The following SCAPER variants were observed in gnomAD, a reference collection of about 807,000 sequenced individuals.
SCAPER encodes S-phase cyclin A associated protein in the ER, also known as S phase cyclin A-associated protein in the endoplasmic reticulum.
In SCAPER, 98 loss-of-function variants were observed where a neutral mutation model predicts 182.2. The ratio of observed to expected loss-of-function variants is 0.54; its 90% CI spans 0.46 to 0.64. SCAPER has a LOEUF of 0.64. Among genes scored for constraint, SCAPER ranks in the 30% least tolerant of loss-of-function variants. The pLI is 0.00. For synonymous variants in SCAPER, 605 were observed against 564.6 expected (o/e 1.07, Z -1.01); for missense variants, 1,432 against 1,690.0 (o/e 0.85, Z 2.68).
chr15:76,902,463 T>C (rs1392643300), intron 1 of SCAPER, among the ~76,000 whole-genome samples: 1 of 152,202 alleles, frequency 6.6e-6, no homozygotes, highest in African/African-American at 2.4e-5. Flanking sequence ...AATCTACACA[T>C]GTACCCTCTA....
chr15:76,565,958 A>T (rs2047005560), intron 23 of SCAPER, among the ~76,000 whole-genome samples: 1 of 152,150 alleles, frequency 6.6e-6, no homozygotes, highest in Admixed American at 6.5e-5. Flanking sequence ...GAACATAGTG[A>T]AGGGATCAAA....
chr15:76,569,708 CTCT>C (rs996549551), intron 23 of SCAPER, among the ~76,000 whole-genome samples: 1 of 151,638 alleles, frequency 6.6e-6, no homozygotes, highest in African/African-American at 2.4e-5. Context: ...CCTTTTTATA[CTCT>C]TCTTTTCATT....
chr15:76,572,917 T>TCACACACACACACACACACACACA (rs1231032832), intron 23 of SCAPER, among the ~76,000 whole-genome samples: 9 of 133,460 alleles, frequency 6.7e-5, no homozygotes, highest in Admixed American at 2.3e-4. Flanking sequence ...TCTCTCTCTC[T>TCACACACACACACACACACACACA]CTCACACACA....
At chr15:76,901,692 GAA>G (rs1213508990) in intron 1 of SCAPER, among the ~76,000 whole-genome samples, 2 of 150,962 alleles carry the variant, frequency 1.3e-5, no homozygotes, top group Admixed American at 6.7e-5. Context: ...TGTCATAGAA[GAA>G]AAAGTCTTTC....
intron 5 of SCAPER, among the ~76,000 whole-genome samples, chr15:76,816,534 G>A (rs1466836416): frequency 1.3e-5 from 2 of 152,110 alleles, no homozygotes; most frequent in East Asian, 1.9e-4. Context: ...GCTTTATCCT[G>A]GAATACCACC....
intron 2 of SCAPER, among the ~76,000 whole-genome samples, chr15:76,878,288 A>G (rs1365631147): frequency 6.6e-6 from 1 of 152,194 alleles, no homozygotes; most frequent in African/African-American, 2.4e-5. Flanking sequence ...AATAAAACCA[A>G]TGGGGCAATT....
At chr15:76,805,360 C>G (rs2066074436) in intron 5 of SCAPER, among the ~76,000 whole-genome samples, 1 of 152,136 alleles carries the variant, frequency 6.6e-6, no homozygotes, top group Non-Finnish European at 1.5e-5. Flanking sequence ...ACAGCTGCTG[C>G]ATCATTTTAC....
At position 76,841,903 on chromosome 15, in the gene SCAPER, G is replaced by A. The variant is rs75375920; in HGVS notation, c.224C>T (p.Ser75Leu). ...AAAGTGTTTATCTCCAGTCGTAGAC[G>A]ATGTTATTTTACAGTCCACTGCAGT... ...QSTAVDCKITSSTTGDKHFDK... is the reference protein window; with the variant it reads ...QSTAVDCKITLSTTGDKHFDK... The change falls in exon 5 of 32, where the codon TCG (serine) becomes TTG (leucine). Residue 75 changes from serine (S) to leucine (L), a missense_variant. Around this residue, in one of 5 missense-constraint regions of SCAPER, gnomAD observed 480 missense variants for 510.2 expected, o/e 0.94. Coordinates refer to ENST00000563290, the MANE Select transcript of SCAPER (RefSeq NM_020843.4). 1.1e-3 allele frequency: 1,791 copies of A among 1,613,582 alleles called. 16 individuals carry two copies. In the African/African-American group the frequency reaches 0.021, roughly 19 times the overall value.
In SCAPER at chr15:76,511,183, T is replaced by A. The variant is rs559995338; in HGVS notation, c.2839-6209A>T. 5.3e-5 allele frequency among the ~76,000 whole-genome samples: 8 copies of A among 151,942 alleles called. No individual in the cohort carries two copies. In the East Asian group the frequency reaches 1.5e-3, roughly 29 times the overall value. On this transcript the variant is annotated intron_variant, in intron 23 of 31. Coordinates refer to ENST00000563290, the MANE Select transcript of SCAPER (RefSeq NM_020843.4). ...TGCTGGGGAGATGGGTGCACCAAAA[T>A]CTCACAAATCACCACTTAAGAACTT...
At chr15:76,636,417 T>C (rs1349825034) in intron 21 of SCAPER, among the ~76,000 whole-genome samples, 1 of 151,808 alleles carries the variant, frequency 6.6e-6, no homozygotes, top group East Asian at 1.9e-4. Context: ...CTGTTCTCCC[T>C]TTCCCTGGGA....
At chr15:76,587,463 G>T (rs565604951) in intron 22 of SCAPER, among the ~76,000 whole-genome samples, 1 of 152,196 alleles carries the variant, frequency 6.6e-6, no homozygotes, top group South Asian at 2.1e-4. Context: ...GTATCCCAGA[G>T]ATTTTGATAG....
intron 23 of SCAPER, among the ~76,000 whole-genome samples, chr15:76,510,891 G>GCA (rs2041974859): frequency 1.3e-5 from 2 of 151,884 alleles, no homozygotes; most frequent in African/African-American, 2.4e-5. Context: ...GTGTGTGTGC[G>GCA]CGCGCGCACG....
At chr15:76,782,327 G>C (rs2064213025) in intron 8 of SCAPER, among the ~76,000 whole-genome samples, 1 of 152,174 alleles carries the variant, frequency 6.6e-6, no homozygotes, top group South Asian at 2.1e-4. Context: ...AATTCAACAA[G>C]AAGAGCTAAC....
At chr15:76,893,623 A>C (rs1311183616) in intron 1 of SCAPER, among the ~76,000 whole-genome samples, 1 of 152,186 alleles carries the variant, frequency 6.6e-6, no homozygotes, top group South Asian at 2.1e-4. Context: ...AATATACAAC[A>C]TTTTCAAGCA....
Position 76,580,533 on chromosome 15 carries a change from C to T in SCAPER, c.2712-6249G>A, listed in dbSNP as rs570745434. 2.0e-3 allele frequency among the ~76,000 whole-genome samples: 302 copies of T among 152,132 alleles called. 5 individuals carry two copies. The highest frequency in any genetic ancestry group is 2.0e-3 in the Non-Finnish European group (139 of 67,974). ...ACTTTGGGAGGCTAAGATAGAAGGC[C>T]CCCTTGAAGCCAGGAGCTTGAGGCT... is the stretch of plus-strand genomic sequence containing the variant. On this transcript the variant is annotated intron_variant, in intron 22 of 31. Coordinates refer to ENST00000563290, the MANE Select transcript of SCAPER (RefSeq NM_020843.4).
At chr15:76,802,120 T>A (rs1029290265) in intron 6 of SCAPER, among the ~76,000 whole-genome samples, 1 of 151,842 alleles carries the variant, frequency 6.6e-6, no homozygotes, top group African/African-American at 2.4e-5. Context: ...GACCTTTGGA[T>A]ACAACAAACA....
chr15:76,440,476 G>C (rs2047487527), intron 25 of SCAPER, among the ~76,000 whole-genome samples: 1 of 152,058 alleles, frequency 6.6e-6, no homozygotes, highest in African/African-American at 2.4e-5. Context: ...GTAATTACTG[G>C]TAATTCTGTA....
At chr15:76,353,147 C>T (rs1172541770) in intron 30 of SCAPER, among the ~76,000 whole-genome samples, 2 of 152,044 alleles carry the variant, frequency 1.3e-5, no homozygotes, top group African/African-American at 4.8e-5. Context: ...TGTATATTCA[C>T]CAGAATATGG....
intron 23 of SCAPER, among the ~76,000 whole-genome samples, chr15:76,523,401 T>C (rs1030828362): frequency 6.6e-6 from 1 of 152,078 alleles, no homozygotes; most frequent in African/African-American, 2.4e-5. Flanking sequence ...GAGCTATGGT[T>C]CCCAGGTCAG....
Sources: allele counts gnomAD v4.1 joint callset (sites outside exome capture counted in the v4.1 genomes callset), GRCh38; gene constraint gnomAD v4.1.1; regional missense constraint gnomAD v4.1.1; transcripts MANE v1.5; gene names NCBI Gene and HGNC (gene_info 2026-07-23, HGNC 2026-07-21).